The following CCNB2 variants were observed in gnomAD, a reference collection of about 807,000 sequenced individuals.
CCNB2 encodes the protein G2/mitotic-specific cyclin-B2.
CCNB2 carries 39 observed loss-of-function variants against 51.1 expected under a neutral mutation model. The ratio of observed to expected loss-of-function variants is 0.76; its 90% CI spans 0.59 to 1.00. CCNB2 has a LOEUF of 1.00. Among genes scored for constraint, CCNB2 ranks in the 50% least tolerant of loss-of-function variants. The pLI is 0.00. For missense variants in CCNB2, 472 were observed against 470.3 expected, an observed-to-expected ratio of 1.00 and a Z score of -0.03; for synonymous variants, 174 against 165.5, an observed-to-expected ratio of 1.05 and a Z score of -0.40.
chr15:59,118,028 T>C (rs1422170708), intron 7 of CCNB2, among the ~76,000 whole-genome samples: 3 of 152,184 alleles, frequency 2.0e-5, no homozygotes, highest in African/African-American at 7.2e-5. Context: ...AGTATAGAGT[T>C]GTACAGAATG....
chr15:59,107,913 C>T (rs532721963), intron 3 of CCNB2, among the ~76,000 whole-genome samples: 11 of 152,184 alleles, frequency 7.2e-5, no homozygotes, highest in Admixed American at 4.6e-4. Flanking sequence ...GCAGGAGGAT[C>T]GCCTGAGGCC....
Position 59,108,332 on chromosome 15 carries a change from C to G in CCNB2, c.267+662C>G, listed in dbSNP as rs183243341. Among the ~76,000 whole-genome samples, 3 of 152,236 alleles carry G rather than the reference C, an allele frequency of 2.0e-5. No individual in the cohort carries two copies. The East Asian group carries it at 5.8e-4, about 29-fold the overall frequency. ...AAGGACTTGGAATTTGGATTTTTAT[C>G]CCATTAGGCTTGAGGAAACAAAGTT... On this transcript the variant is annotated intron_variant, in intron 3 of 8. Transcript: ENST00000288207.
intron 6 of CCNB2, 65 bp from the exon 7 acceptor site, chr15:59,117,163 C>G: frequency 6.5e-7 from 1 of 1,540,236 alleles, no homozygotes; most frequent in Non-Finnish European, 8.9e-7. Flanking sequence ...TAGGCCTTCA[C>G]GCAGAATTTT....
chr15:59,119,443 G>C (rs563220172), intron 7 of CCNB2, among the ~76,000 whole-genome samples: 2 of 123,584 alleles, frequency 1.6e-5, no homozygotes, highest in South Asian at 5.2e-4. Context: ...CTGGGCAACA[G>C]AGCAAAACCC....
intron 8 of CCNB2, 155 bp from the exon 9 acceptor site, chr15:59,124,612 G>A (rs2079317344): frequency 9.2e-6 from 6 of 649,516 alleles, no homozygotes; most frequent in Non-Finnish European, 1.7e-5. Flanking sequence ...TCAGGCACAT[G>A]TTATGAGCCC....
At chr15:59,124,022 A>T (rs1276383390) in intron 8 of CCNB2, 1 of 175,222 alleles carries the variant, frequency 5.7e-6, no homozygotes, top group Admixed American at 5.5e-5. Flanking sequence ...TATATTGCGT[A>T]TTCAGGTGAT....
At position 59,124,966 on chromosome 15, in the gene CCNB2, T is replaced by G; in HGVS notation, c.*89T>G. ...TGATTTTGTACATAGTCCTCTGGTC[T>G]ATCTCATGAAACCTCTTCTCAGACC... On this transcript the variant is annotated 3_prime_UTR_variant, in exon 9 of 9. Transcript: ENST00000288207. 1.4e-6 allele frequency: 1 copy of G among 706,032 alleles called. No individual in the cohort carries two copies. Among genetic ancestry groups the G allele is most frequent in the Non-Finnish European group, 2.3e-6 (1 of 443,454 alleles). The allele number at this position is 706,032 out of a possible 1,614,324, so 43.7% of individuals were successfully genotyped here. A position where few individuals can be genotyped will look rare whatever the true frequency, so the allele number is the denominator to read the frequency against.
chr15:59,114,916 G>A (rs1314789802), intron 5 of CCNB2, 40 bp downstream of exon 5: 1 of 1,576,680 alleles, frequency 6.3e-7, no homozygotes, highest in Admixed American at 1.8e-5. Flanking sequence ...GTGGCTCATT[G>A]AACATTGCAT....
intron 8 of CCNB2, chr15:59,124,513 A>G (rs2079316947): frequency 2.1e-6 from 1 of 469,550 alleles, no homozygotes; most frequent in Non-Finnish European, 3.8e-6. Flanking sequence ...TACAAGAGGA[A>G]GCCTGCTACT....
chr15:59,123,698 G>A, intron 8 of CCNB2, 71 bp downstream of exon 8: 3 of 749,992 alleles, frequency 4.0e-6, no homozygotes, highest in South Asian at 1.5e-5. Context: ...TTGGGCGGGG[G>A]GGGGCGGTGT....
intron 3 of CCNB2, among the ~76,000 whole-genome samples, chr15:59,111,009 CAAAG>C (rs754136237): frequency 6.6e-6 from 1 of 152,132 alleles, no homozygotes; most frequent in Non-Finnish European, 1.5e-5. Context: ...TTATCTGTCA[CAAAG>C]AGAGATGCAT....
In CCNB2 at chr15:59,116,903, A is replaced by G. The variant is rs1566957042; in HGVS notation, c.811A>G (p.Arg271Gly). Reference sequence around the variant, plus strand: ...TCGACCCTTGCCACTACACTTCTTAAGGCGAGCATCAAAAGCCGGGGAGGT... The same window carrying G: ...TCGACCCTTGCCACTACACTTCTTAGGGCGAGCATCAAAAGCCGGGGAGGT... ...LGRPLPLHFLRRASKAGEVDV... is the reference protein window; with the variant it reads ...LGRPLPLHFLGRASKAGEVDV... Residue 271 changes from arginine to glycine, a missense_variant, in exon 6 of 9, where the codon AGG (arginine) becomes GGG (glycine). Coordinates refer to ENST00000288207, the MANE Select transcript of CCNB2 (RefSeq NM_004701.4). 1 of 1,613,866 alleles carries G rather than the reference A, an allele frequency of 6.2e-7. No individual in the cohort carries two copies. The highest frequency in any genetic ancestry group is 8.5e-7 in the Non-Finnish European group (1 of 1,179,738).
At chr15:59,107,821 A>T in intron 3 of CCNB2, 151 bp downstream of exon 3, 1 of 624,092 alleles carries the variant, frequency 1.6e-6, no homozygotes, top group Non-Finnish European at 2.8e-6. Context: ...GAGTATATAC[A>T]CCTTTTAACT....
intron 7 of CCNB2, 86 bp downstream of exon 7, chr15:59,117,454 T>A (rs2079283923): frequency 7.4e-7 from 1 of 1,356,304 alleles, no homozygotes; most frequent in Non-Finnish European, 1.0e-6. Context: ...TACAACACTA[T>A]CCTTGAAGCA....
chr15:59,115,399 T>C (rs2079274915), intron 5 of CCNB2: 1 of 153,510 alleles, frequency 6.5e-6, no homozygotes. Context: ...GGACTGAGAA[T>C]GTAGTGTAAT....
intron 7 of CCNB2, among the ~76,000 whole-genome samples, chr15:59,120,050 T>A (rs2079295875): frequency 6.6e-6 from 1 of 152,152 alleles, no homozygotes; most frequent in Non-Finnish European, 1.5e-5. Flanking sequence ...AGGTTAGTCC[T>A]CACGTAGGAA....
chr15:59,109,920 G>C (rs1235224510), intron 3 of CCNB2, among the ~76,000 whole-genome samples: 1 of 152,122 alleles, frequency 6.6e-6, no homozygotes, highest in East Asian at 1.9e-4. Flanking sequence ...CTGGGGGCCG[G>C]AGCCTGCAGT....
At chr15:59,119,554 A>C (rs546905234) in intron 7 of CCNB2, among the ~76,000 whole-genome samples, 14 of 152,222 alleles carry the variant, frequency 9.2e-5, no homozygotes, top group African/African-American at 3.4e-4. Flanking sequence ...TAAAGGACTA[A>C]AGTGGTAACA....
At chr15:59,110,867 TAGAA>T (rs1375326801) in intron 3 of CCNB2, among the ~76,000 whole-genome samples, 1 of 152,164 alleles carries the variant, frequency 6.6e-6, no homozygotes, top group African/African-American at 2.4e-5. Context: ...ACACAGTAGT[TAGAA>T]AGGACATGGA....
Sources: allele counts gnomAD v4.1 joint callset (sites outside exome capture counted in the v4.1 genomes callset), GRCh38; gene constraint gnomAD v4.1.1; transcripts MANE v1.5; gene names NCBI Gene and HGNC (gene_info 2026-07-23, HGNC 2026-07-21).